The following LINGO2 variants were observed in gnomAD, a reference collection of about 807,000 sequenced individuals.
LINGO2 encodes the protein leucine-rich repeat and immunoglobulin-like domain-containing nogo receptor-interacting protein 2.
A neutral mutation model predicts 30.6 loss-of-function variants in LINGO2; 14 were observed. That is an observed-to-expected ratio of 0.46 (90% CI 0.30 to 0.72). The LOEUF is 0.72. LINGO2 is among the 30% of genes least tolerant of loss of function. The pLI is 0.07. For synonymous variants in LINGO2, 317 were observed against 288.5 expected (o/e 1.10, Z -1.00); for missense variants, 729 against 751.7 (o/e 0.97, Z 0.35).
At chr9:28,632,782 G>A (rs1241176599) in intron 1 of LINGO2, among the ~76,000 whole-genome samples, 11 of 89,648 alleles carry the variant, frequency 1.2e-4, no homozygotes, top group African/African-American at 3.8e-4. Flanking sequence ...ATTATATATC[G>A]ATTTATATTA....
chr9:28,766,790 G>A, the LINGO2 span, among the ~76,000 whole-genome samples: 1 of 130,032 alleles, frequency 7.7e-6, no homozygotes, highest in Non-Finnish European at 1.5e-5. Flanking sequence ...GAGAGAGAGG[G>A]AGAGAGAGAG....
At chr9:29,056,615 T>A in the LINGO2 span, among the ~76,000 whole-genome samples, 1 of 152,274 alleles carries the variant, frequency 6.6e-6, no homozygotes, top group Non-Finnish European at 1.5e-5. Context: ...CTTTTATCTT[T>A]GTTTTTGTTG....
chr9:28,609,156 G>GTT (rs397942277), intron 1 of LINGO2, among the ~76,000 whole-genome samples: 42,104 of 140,816 alleles, frequency 0.3, 6,313 homozygotes, highest in Admixed American at 0.36. Flanking sequence ...GAGCTAAAGA[G>GTT]TTTTTTTTTT....
intron 2 of LINGO2, among the ~76,000 whole-genome samples, chr9:28,474,290 C>T (rs79579846): frequency 1.3e-5 from 2 of 152,194 alleles, no homozygotes; most frequent in East Asian, 3.9e-4. Context: ...GGCCAGGATC[C>T]ACCTTTATCT....
intron 1 of LINGO2, among the ~76,000 whole-genome samples, chr9:28,495,864 G>C (rs1819597190): frequency 6.6e-6 from 1 of 152,122 alleles, no homozygotes; most frequent in African/African-American, 2.4e-5. Flanking sequence ...TTGTGTCTTT[G>C]TTCTCATTGG....
the LINGO2 span, among the ~76,000 whole-genome samples, chr9:29,110,593 C>G: frequency 6.6e-6 from 1 of 152,016 alleles, no homozygotes; most frequent in Non-Finnish European, 1.5e-5. Context: ...CGGGGCCTCC[C>G]AAAGTGCTGG....
chr9:28,682,409 A>C, the LINGO2 span, among the ~76,000 whole-genome samples: 16,851 of 152,154 alleles, frequency 0.11, 1,076 homozygotes, highest in African/African-American at 0.16. Context: ...TAATCTGTTA[A>C]TGAAGGGGTC....
At chr9:29,024,673 A>C in the LINGO2 span, among the ~76,000 whole-genome samples, 1 of 152,254 alleles carries the variant, frequency 6.6e-6, no homozygotes, top group East Asian at 1.9e-4. Flanking sequence ...AAAATCAGAG[A>C]GCGATGGAGA....
chr9:28,953,721 T>C, the LINGO2 span, among the ~76,000 whole-genome samples: 2 of 152,112 alleles, frequency 1.3e-5, no homozygotes. Flanking sequence ...AAGAGATTTT[T>C]ACTGCTTTTA....
the LINGO2 span, among the ~76,000 whole-genome samples, chr9:28,815,661 C>A: frequency 6.6e-6 from 1 of 152,180 alleles, no homozygotes; most frequent in African/African-American, 2.4e-5. Flanking sequence ...AGTACCAATA[C>A]AACAAAAATC....
intron 1 of LINGO2, among the ~76,000 whole-genome samples, chr9:28,565,273 C>T (rs150314235): frequency 0.018 from 2,653 of 147,064 alleles, 72 homozygotes; most frequent in African/African-American, 0.061. Flanking sequence ...TTACAAGCTC[C>T]GCCTCCTGGG....
chr9:28,041,191 T>A (rs1824182395), intron 4 of LINGO2, among the ~76,000 whole-genome samples: 4 of 152,196 alleles, frequency 2.6e-5, no homozygotes, highest in Non-Finnish European at 4.4e-5. Flanking sequence ...TTCTGTCTAT[T>A]GCACCTCATA....
At chr9:28,870,567 T>C in the LINGO2 span, among the ~76,000 whole-genome samples, 5 of 152,228 alleles carry the variant, frequency 3.3e-5, no homozygotes, top group South Asian at 1.0e-3. Flanking sequence ...TATACGTTTA[T>C]CTGTCTTCCA....
At chr9:29,174,958 C>A in the LINGO2 span, among the ~76,000 whole-genome samples, 2 of 152,208 alleles carry the variant, frequency 1.3e-5, no homozygotes, top group East Asian at 3.9e-4. Context: ...GTTCTCTGAG[C>A]CTTTCATTAA....
At chr9:28,481,780 C>A (rs1013240393) in intron 1 of LINGO2, among the ~76,000 whole-genome samples, 5 of 151,420 alleles carry the variant, frequency 3.3e-5, no homozygotes, top group Admixed American at 1.3e-4. Context: ...CTCCTCCCCC[C>A]ACCCCACAAC....
chr9:28,348,144 G>C lies in LINGO2; in HGVS notation c.-246+24692C>G, dbSNP rs140070859. Among the ~76,000 whole-genome samples, 166 of 152,188 alleles carry C rather than the reference G, an allele frequency of 1.1e-3. 1 individual carries two copies. The highest frequency in any genetic ancestry group is 2.1e-3 in the Non-Finnish European group (146 of 68,004). ...CAAAAATGCTGTTCACGGTGGAGGA[G>C]CCAAGATGGCCGAATAGGAACAGCT... On this transcript the variant is annotated intron_variant, in intron 3 of 5. Transcript: ENST00000379992.
chr9:29,134,620 A>C, the LINGO2 span, among the ~76,000 whole-genome samples: 362 of 152,244 alleles, frequency 2.4e-3, 4 homozygotes, highest in Middle Eastern at 0.027. Flanking sequence ...TTGTATCATG[A>C]GAATTTCCAA....
the LINGO2 span, among the ~76,000 whole-genome samples, chr9:29,027,956 T>C: frequency 1.3e-5 from 2 of 152,172 alleles, no homozygotes; most frequent in Non-Finnish European, 2.9e-5. Context: ...CTTGTCCACT[T>C]TCAAGATGAG....
At chr9:28,824,890 A>G in the LINGO2 span, among the ~76,000 whole-genome samples, 1 of 152,186 alleles carries the variant, frequency 6.6e-6, no homozygotes, top group Non-Finnish European at 1.5e-5. Flanking sequence ...TATGACCTTA[A>G]GCAAAAACTT....
Sources: allele counts gnomAD v4.1 joint callset (sites outside exome capture counted in the v4.1 genomes callset), GRCh38; gene constraint gnomAD v4.1.1; transcripts MANE v1.5; gene names NCBI Gene and HGNC (gene_info 2026-07-23, HGNC 2026-07-21).